Variants in SVIL observed in about 807,000 individuals in gnomAD.
SVIL encodes archvillin.
A neutral mutation model predicts 240.4 loss-of-function variants in SVIL; 101 were observed. That is an observed-to-expected ratio of 0.42 (90% confidence interval 0.36 to 0.50). SVIL has a LOEUF of 0.50. Among genes scored for constraint, SVIL ranks in the 20% least tolerant of loss-of-function variants. The pLI is 0.01. For synonymous variants in SVIL, 999 were observed against 1,100.0 expected, an observed-to-expected ratio of 0.91 and a Z score of 1.82; for missense variants, 2,512 against 2,818.7, an observed-to-expected ratio of 0.89 and a Z score of 2.46.
intron 2 of SVIL, among the ~76,000 whole-genome samples, chr10:29,661,116 G>A (rs1427088786): frequency 2.0e-5 from 3 of 150,492 alleles, no homozygotes; most frequent in Non-Finnish European, 4.4e-5. Context: ...GCAGTGAGCC[G>A]AGATTGCGCC....
intron 1 of SVIL, among the ~76,000 whole-genome samples, chr10:29,710,598 GAGAA>G (rs1759849524): frequency 6.6e-6 from 1 of 152,098 alleles, no homozygotes; most frequent in African/African-American, 2.4e-5. Context: ...GAGGAATAAA[GAGAA>G]AGAAACTCTA....
intron 28 of SVIL, 52 bp from the exon 29 acceptor site, chr10:29,480,865 C>A (rs1331475486): frequency 3.2e-6 from 5 of 1,560,276 alleles, no homozygotes; most frequent in Non-Finnish European, 4.3e-6. Context: ...TGCAGCTATT[C>A]CTTGTCATGC....
rs201347514 is a variant in SVIL, at chr10:29,473,855, C to T, written c.5512G>A (p.Glu1838Lys). ...GGACTCACCTGGGCCCCCCTTTCCT[C>T]GTCCAGCTCCACCGTCATCAGCGCC... ...TSALMTVELD[E>K]ERGAQVQVLQ... The change falls in exon 30 of 38, where the codon GAG becomes AAG. Residue 1838 changes from glutamate to lysine, a missense_variant. This residue lies in a region of SVIL where 797 missense variants were observed against 925.3 expected (regional missense o/e 0.86). Coordinates refer to ENST00000355867, the MANE Select transcript of SVIL (RefSeq NM_021738.3). 79 of 1,613,858 alleles carry T rather than the reference C, an allele frequency of 4.9e-5. No individual in the cohort carries two copies. The highest frequency in any genetic ancestry group is 1.0e-4 in the Admixed American group (6 of 59,988).
chr10:29,639,701 G>A (rs557803000), upstream of SVIL, among the ~76,000 whole-genome samples: 100 of 151,508 alleles, frequency 6.6e-4, no homozygotes, highest in Admixed American at 2.5e-3. Context: ...TTCTAACCTC[G>A]CGTGATCTGC....
At chr10:29,568,769 A>G (rs11007656) in intron 2 of SVIL, among the ~76,000 whole-genome samples, 18,776 of 150,898 alleles carry the variant, frequency 0.12, 1,389 homozygotes, top group East Asian at 0.27. Flanking sequence ...AGAATAACTC[A>G]CATGGATGGG....
At chr10:29,498,230 C>T (rs1220931433) in intron 18 of SVIL, among the ~76,000 whole-genome samples, 1 of 151,574 alleles carries the variant, frequency 6.6e-6, no homozygotes, top group Non-Finnish European at 1.5e-5. Flanking sequence ...CCACCTGGCC[C>T]ACATGGTGAA....
chr10:29,465,726 G>A lies in SVIL; in HGVS notation c.6002C>T (p.Pro2001Leu). The A allele has an allele frequency of 6.2e-7, 1 of 1,612,600 alleles. No individual in the cohort carries two copies. Among genetic ancestry groups the A allele is most frequent in the South Asian group, 1.1e-5 (1 of 91,012 alleles). ...GGAGCTGCTGAGGATGAACAGGCGG[G>A]GCGCGAAGTTAAAACTTCCAGGATC... ...LQDPGSFNFA[P>L]RLFILSSSSG... The change falls in exon 34 of 38, where the codon CCC becomes CTC. Residue 2001 changes from proline (P) to leucine (L), a missense_variant. Coordinates refer to ENST00000355867, the MANE Select transcript of SVIL (RefSeq NM_021738.3).
intron 3 of SVIL, among the ~76,000 whole-genome samples, chr10:29,643,195 A>T (rs763246936): frequency 6.6e-6 from 1 of 152,200 alleles, no homozygotes; most frequent in Non-Finnish European, 1.5e-5. Context: ...ACTCAAGATG[A>T]TGTCAGAGCA....
At chr10:29,563,968 T>C (rs1022219364) in intron 2 of SVIL, among the ~76,000 whole-genome samples, 1 of 151,904 alleles carries the variant, frequency 6.6e-6, no homozygotes, top group African/African-American at 2.4e-5. Context: ...CCCAGGTATC[T>C]CCTTAATTAT....
intron 3 of SVIL, among the ~76,000 whole-genome samples, chr10:29,558,600 G>A (rs11594414): frequency 0.13 from 19,788 of 151,744 alleles, 1,371 homozygotes; most frequent in Non-Finnish European, 0.15. Flanking sequence ...TATAATTAAT[G>A]TGTATTATAT....
chr10:29,546,139 A>T (rs1050773833), intron 6 of SVIL, among the ~76,000 whole-genome samples: 7 of 152,214 alleles, frequency 4.6e-5, no homozygotes, highest in Non-Finnish European at 7.3e-5. Flanking sequence ...GCTCAAGCTC[A>T]GGTGTTTAAA....
intron 1 of SVIL, among the ~76,000 whole-genome samples, chr10:29,727,261 T>C (rs905988523): frequency 2.0e-5 from 3 of 152,180 alleles, no homozygotes; most frequent in Admixed American, 2.0e-4. Context: ...AGAAGATTGC[T>C]GAAACAAAGA....
chr10:29,623,686 T>C (rs1957753041), intron 1 of SVIL, among the ~76,000 whole-genome samples: 1 of 152,004 alleles, frequency 6.6e-6, no homozygotes, highest in Non-Finnish European at 1.5e-5. Flanking sequence ...CCATCTCTAC[T>C]AAAAATACAA....
rs1961109804 is a variant in SVIL, at chr10:29,686,962, T to A, written c.-399-311A>T. Among the ~76,000 whole-genome samples, 5 of 152,242 alleles carry A rather than the reference T, an allele frequency of 3.3e-5. No individual in the cohort carries two copies. The East Asian group carries it at 9.6e-4, about 29-fold the overall frequency. ...AAACAACCACGTGCAAGGGAATATT[T>A]AAAAAAATCTCAAGACCCCCAAACT... On this transcript the variant is annotated intron_variant, in intron 1 of 35. Coordinates refer to the SVIL transcript ENST00000375400.
At chr10:29,567,077 C>G (rs903231788) in intron 2 of SVIL, among the ~76,000 whole-genome samples, 2 of 152,198 alleles carry the variant, frequency 1.3e-5, no homozygotes, top group African/African-American at 4.8e-5. Context: ...CTCTTTGTCT[C>G]CCCTGAAACA....
chr10:29,654,612 A>G (rs1958940792), intron 3 of SVIL, among the ~76,000 whole-genome samples: 1 of 152,222 alleles, frequency 6.6e-6, no homozygotes, highest in Non-Finnish European at 1.5e-5. Context: ...TAGGATAGAT[A>G]TATAGAAGTA....
chr10:29,556,738 C>T (rs533087505), intron 3 of SVIL, among the ~76,000 whole-genome samples: 11 of 152,284 alleles, frequency 7.2e-5, no homozygotes, highest in Non-Finnish European at 1.5e-4. Flanking sequence ...CGCCATGCGG[C>T]CTTGGGAGAG....
chr10:29,579,394 C>T (rs1450778962), intron 1 of SVIL, among the ~76,000 whole-genome samples: 1 of 151,956 alleles, frequency 6.6e-6, no homozygotes, highest in African/African-American at 2.4e-5. Context: ...GCAGAGATTG[C>T]GTCACTGCAC....
intron 1 of SVIL, among the ~76,000 whole-genome samples, chr10:29,630,389 C>T (rs774731241): frequency 1.3e-5 from 2 of 152,162 alleles, no homozygotes; most frequent in Admixed American, 1.3e-4. Context: ...GGGACAAGCA[C>T]ATTAGGAGGA....
Sources: gnomAD v4.1 joint callset for allele counts (sites outside exome capture counted in the v4.1 genomes callset) on GRCh38, gnomAD v4.1.1 for gene constraint, gnomAD v4.1.1 regional missense constraint, MANE v1.5 for transcripts, NCBI Gene and HGNC (gene_info 2026-07-23, HGNC 2026-07-21) for gene names.